ACP2: variants seen among roughly 807,000 people sequenced by gnomAD.
The protein encoded by ACP2 is lysosomal acid phosphatase.
ACP2 carries 35 observed loss-of-function variants against 54.7 expected under a neutral mutation model. The ratio of observed to expected loss-of-function variants is 0.64; its 90% CI spans 0.49 to 0.85. The LOEUF (loss-of-function observed/expected upper bound fraction) is 0.85, where lower values mean the gene tolerates loss of function less well. Ranked by LOEUF, ACP2 falls within the 40% of genes least tolerant of loss-of-function variation. The pLI is 0.00. For missense variants in ACP2, 492 were observed against 565.0 expected, an observed-to-expected ratio of 0.87 and a Z score of 1.31; for synonymous variants, 210 against 224.4, an observed-to-expected ratio of 0.94 and a Z score of 0.57.
chr11:47,241,790 A>C lies in ACP2; in HGVS notation c.1138+933T>G, dbSNP rs374093953. ...ATTGACTGAAACAAGGAAGCCTGGA[A>C]GAAGAGCAGCTGTGGAAGGAAAAGC... On this transcript the variant is annotated intron_variant, in intron 10 of 10. Coordinates refer to ENST00000672073, the MANE Select transcript of ACP2 (RefSeq NM_001610.4). Among the ~76,000 whole-genome samples the C allele has an allele frequency of 3.3e-5, 5 of 152,238 alleles. No homozygotes were observed. In the South Asian group the frequency reaches 8.3e-4, roughly 25 times the overall value.
At position 47,248,769 on chromosome 11, in the gene ACP2, G is replaced by T; in HGVS notation, c.21C>A (p.Gly7=). Reference sequence around the variant, plus strand: ...GCTGGAGGAGAGCCGCCCGGCTCCAGCCGGACCGCTTGCCCGCCATCACCG... The same window carrying T: ...GCTGGAGGAGAGCCGCCCGGCTCCATCCGGACCGCTTGCCCGCCATCACCG... MAGKRS[G]WSRAALLQLL... Residue 7 remains glycine, a synonymous_variant, in exon 1 of 11, where the codon GGC becomes GGA. Coordinates refer to ENST00000672073, the MANE Select transcript of ACP2 (RefSeq NM_001610.4). 6.3e-7 allele frequency: 1 copy of T among 1,599,896 alleles called. No individual in the cohort carries two copies. Among genetic ancestry groups the T allele is most frequent in the Non-Finnish European group, 8.5e-7 (1 of 1,173,466 alleles).
intron 6 of ACP2, 52 bp downstream of exon 6, chr11:47,245,253 G>C (rs1954023024): frequency 1.9e-6 from 3 of 1,576,972 alleles, no homozygotes; most frequent in East Asian, 4.5e-5. Context: ...TGGTGACCTG[G>C]GCCTGCTGAG....
chr11:47,245,278 T>C (rs2135533118), intron 6 of ACP2, 27 bp downstream of exon 6: 2 of 1,609,634 alleles, frequency 1.2e-6, no homozygotes, highest in Non-Finnish European at 1.7e-6. Flanking sequence ...AAAAGAATGA[T>C]CACAGTGGGC....
Position 47,248,070 on chromosome 11 carries a change from C to G in ACP2, c.178G>C (p.Glu60Gln). ...TYPKDPYQEE[E>Q]WPQGFGQLTK... The stretch of plus-strand genomic sequence containing the variant: ...AACTGACCAAACCCCTGGGGCCATT[C>G]TTCTTCCTGATAGGGGTCCTTGGGA... The change falls in exon 2 of 11, where the codon GAA (glutamate) becomes CAA (glutamine). Residue 60 changes from glutamate (E) to glutamine (Q), a missense_variant. Coordinates refer to ENST00000672073, the MANE Select transcript of ACP2 (RefSeq NM_001610.4). 6.2e-7 allele frequency: 1 copy of G among 1,610,506 alleles called. No individual in the cohort carries two copies. Among genetic ancestry groups the G allele is most frequent in the Non-Finnish European group, 8.5e-7 (1 of 1,178,992 alleles).
chr11:47,243,012 A>G lies in ACP2; in HGVS notation c.962+6T>C. The G allele has an allele frequency of 6.2e-7, 1 of 1,614,048 alleles. No homozygotes were observed. Among genetic ancestry groups the G allele is most frequent in the Non-Finnish European group, 8.5e-7 (1 of 1,179,930 alleles). On this transcript the variant is annotated splice_donor_region_variant and intron_variant, in intron 9 of 10. Transcript: ENST00000672073. ...CCCTCCAGAGGACACTGCTAGCTCC[A>G]CTCACCCAGAATCTTCCTGGTACAG...
chr11:47,246,641 C>T (rs1440413580), intron 3 of ACP2, among the ~76,000 whole-genome samples: 3 of 151,866 alleles, frequency 2.0e-5, no homozygotes, highest in East Asian at 1.9e-4. Context: ...TTTAGGAGGC[C>T]GAGGCAGGCG....
Position 47,242,844 on chromosome 11 carries a change from C to A in ACP2, c.1017G>T (p.Pro339=). The change falls in exon 10 of 11, where the codon CCG becomes CCT. Residue 339 remains proline, a synonymous_variant. Coordinates refer to ENST00000672073, the MANE Select transcript of ACP2 (RefSeq NM_001610.4). ...GGTGAGGGCAGCCAGGCAGGCTGAG[C>A]GGCCAGGGGGCCTTGTCACTCTCGT... ...FRNESDKAPW[P]LSLPGCPHRC... is the part of the protein sequence containing the mutation. The A allele has an allele frequency of 6.2e-7, 1 of 1,613,980 alleles. No individual in the cohort carries two copies. The highest frequency in any genetic ancestry group is 1.7e-5 in the Admixed American group (1 of 60,030).
At chr11:47,247,139 G>A (rs960499901) in intron 3 of ACP2, among the ~76,000 whole-genome samples, 3 of 152,046 alleles carry the variant, frequency 2.0e-5, no homozygotes, top group African/African-American at 2.4e-5. Context: ...ACGACCTGGC[G>A]CAGCAGACAG....
chr11:47,241,465 C>T (rs1016303305), intron 10 of ACP2, among the ~76,000 whole-genome samples: 1 of 152,010 alleles, frequency 6.6e-6, no homozygotes, highest in African/African-American at 2.4e-5. Flanking sequence ...TGCAGTGAGC[C>T]GAGATTGCGC....
At chr11:47,245,879 T>TGTGTGTGTGTGTGTGTGTGC (rs762709919) in intron 3 of ACP2, 45 bp from the exon 4 acceptor site, 1 of 1,525,484 alleles carries the variant, frequency 6.6e-7, no homozygotes, top group Admixed American at 2.2e-5. Flanking sequence ...TGTGTGTGTG[T>TGTGTGTGTGTGTGTGTGTGC]GTGTGTTGGG....
chr11:47,247,301 C>T (rs1182472615), intron 3 of ACP2: 4 of 393,942 alleles, frequency 1.0e-5, no homozygotes, highest in African/African-American at 8.2e-5. Context: ...CTGTATGGTG[C>T]ACAACTGAAT....
At chr11:47,242,596 G>A (rs1271418770) in intron 10 of ACP2, 127 bp downstream of exon 10, 1 of 1,101,692 alleles carries the variant, frequency 9.1e-7, no homozygotes, top group Non-Finnish European at 1.3e-6. Context: ...AAGCAGTCTG[G>A]GGTCGGGGAG....
In ACP2 at chr11:47,244,774, C is replaced by G; in HGVS notation, c.733G>C (p.Gly245Arg). ...GCCTTCTCCGCCTGCTGGTAGATTC[C>G]GAAGAGGAAGCGGAAGCTGAAGTCC... ...LKDFSFRFLF[G>R]IYQQAEKARL... Residue 245 changes from glycine to arginine, a missense_variant, in exon 7 of 11, where the codon GGA becomes CGA. Transcript: ENST00000672073. 1 of 1,612,706 alleles carries G rather than the reference C, an allele frequency of 6.2e-7. No homozygotes were observed. The highest frequency in any genetic ancestry group is 1.3e-5 in the African/African-American group (1 of 75,050).
Position 47,244,815 on chromosome 11 carries a change from C to T in ACP2, c.692G>A (p.Arg231His), listed in dbSNP as rs779210674. 39 of 1,612,724 alleles carry T rather than the reference C, an allele frequency of 2.4e-5. 1 individual carries two copies. Among genetic ancestry groups the T allele is most frequent in the East Asian group, 8.9e-5 (4 of 44,844 alleles). ...PPWASPQTMQ[R>H]LSRLKDFSFR... is the part of the protein sequence containing the mutation. Reference sequence around the variant, plus strand: ...GCTGAAGTCCTTTAGCCGGCTGAGACGCTGCATGGTTTGGGGTGAGGCCCA... The same window carrying T: ...GCTGAAGTCCTTTAGCCGGCTGAGATGCTGCATGGTTTGGGGTGAGGCCCA... The change falls in exon 7 of 11, where the codon CGT becomes CAT. Residue 231 changes from arginine to histidine, a missense_variant. By Grantham distance (29) the Arg-to-His change is conservative. Transcript: ENST00000672073.
intron 3 of ACP2, 93 bp from the exon 4 acceptor site, chr11:47,245,927 T>C (rs1954062593): frequency 7.8e-7 from 1 of 1,282,098 alleles, no homozygotes; most frequent in Non-Finnish European, 1.0e-6. Flanking sequence ...CTTGTATGTA[T>C]GTGTGTGTGT....
chr11:47,245,217 G>T (rs763214925), intron 6 of ACP2, 88 bp downstream of exon 6: 6 of 1,393,568 alleles, frequency 4.3e-6, no homozygotes, highest in Non-Finnish European at 6.1e-6. Flanking sequence ...GGGCGTGACG[G>T]TATCAGGCAC....
chr11:47,247,725 C>T lies in ACP2; in HGVS notation c.213G>A (p.Glu71=), dbSNP rs371643693. Residue 71 remains glutamate, a splice_region_variant and synonymous_variant, in exon 3 of 11, where the codon GAG becomes GAA. Transcript: ENST00000672073. ...CCAGTTCCCAGTGCTGTAGCATCCCCTCCTGTGGGCAAACCCAAGGGTTAA... is the reference window on the plus strand; with the variant it reads ...CCAGTTCCCAGTGCTGTAGCATCCCTTCCTGTGGGCAAACCCAAGGGTTAA... The part of the protein sequence containing the change: ...WPQGFGQLTK[E]GMLQHWELGQ... 2 of 1,613,366 alleles carry T rather than the reference C, an allele frequency of 1.2e-6. No individual in the cohort carries two copies. Among genetic ancestry groups the T allele is most frequent in the Non-Finnish European group, 1.7e-6 (2 of 1,179,958 alleles).
chr11:47,243,004 C>G lies in ACP2; in HGVS notation c.962+14G>C, dbSNP rs773141450. The G allele has an allele frequency of 6.8e-6, 11 of 1,614,104 alleles. No individual in the cohort carries two copies. The highest frequency in any genetic ancestry group is 8.5e-6 in the Non-Finnish European group (10 of 1,179,914). ...GAGGGCCCCCCTCCAGAGGACACTG[C>G]TAGCTCCACTCACCCAGAATCTTCC... On this transcript the variant is annotated intron_variant, in intron 9 of 10. Coordinates refer to ENST00000672073, the MANE Select transcript of ACP2 (RefSeq NM_001610.4).
At position 47,244,806 on chromosome 11, in the gene ACP2, C is replaced by T. The variant is rs754800954; in HGVS notation, c.701G>A (p.Arg234Gln). Residue 234 changes from arginine (R) to glutamine (Q), a missense_variant, in exon 7 of 11, where the codon CGG (arginine) becomes CAG (glutamine). Coordinates refer to ENST00000672073, the MANE Select transcript of ACP2 (RefSeq NM_001610.4). ...ASPQTMQRLS[R>Q]LKDFSFRFLF... Reference sequence around the variant, plus strand: ...GAAGCGGAAGCTGAAGTCCTTTAGCCGGCTGAGACGCTGCATGGTTTGGGG... The same window carrying T: ...GAAGCGGAAGCTGAAGTCCTTTAGCTGGCTGAGACGCTGCATGGTTTGGGG... The T allele has an allele frequency of 5.8e-5, 94 of 1,612,870 alleles. No individual in the cohort carries two copies. Among genetic ancestry groups the T allele is most frequent in the Admixed American group, 1.7e-4 (10 of 59,960 alleles).
Sources: allele counts gnomAD v4.1 joint callset (sites outside exome capture counted in the v4.1 genomes callset), GRCh38; gene constraint gnomAD v4.1.1; transcripts MANE v1.5; gene names NCBI Gene and HGNC (gene_info 2026-07-23, HGNC 2026-07-21).